The following MYO1H variants were observed in gnomAD, a reference collection of about 807,000 sequenced individuals.
The protein encoded by MYO1H is unconventional myosin-Ih.
Under a neutral mutation model 149.3 loss-of-function variants are expected in MYO1H, and 118 were observed. That is an observed-to-expected ratio of 0.79 (90% CI 0.68 to 0.92). The LOEUF is 0.92. Among genes scored for constraint, MYO1H ranks in the 40% least tolerant of loss-of-function variants. MYO1H has a pLI of 0.00. For missense variants in MYO1H, 1,212 were observed against 1,280.7 expected (o/e 0.95, Z 0.82); for synonymous variants, 447 against 465.2 (o/e 0.96, Z 0.50).
At chr12:109,361,677 A>AC (rs1271748382) in intron 1 of MYO1H, among the ~76,000 whole-genome samples, 2 of 152,130 alleles carry the variant, frequency 1.3e-5, no homozygotes, top group African/African-American at 4.8e-5. Context: ...GTGAGGTGGG[A>AC]CATGCCTGCA....
the MYO1H span, among the ~76,000 whole-genome samples, chr12:109,320,619 G>C: frequency 1.3e-5 from 1 of 75,806 alleles, no homozygotes; most frequent in Non-Finnish European, 2.4e-5. Flanking sequence ...GCATGAATCT[G>C]TCTCAAAAAA....
the MYO1H span, among the ~76,000 whole-genome samples, chr12:109,342,716 A>C: frequency 1.4e-5 from 2 of 147,094 alleles, no homozygotes; most frequent in African/African-American, 5.0e-5. Flanking sequence ...CTAATTTTTA[A>C]ATTTTTTGTA....
At chr12:109,422,142 C>T (rs901472131) in intron 16 of MYO1H, among the ~76,000 whole-genome samples, 4 of 152,112 alleles carry the variant, frequency 2.6e-5, no homozygotes, top group African/African-American at 9.7e-5. Flanking sequence ...TTTTAAGGCC[C>T]CTATTTTGTA....
intron 31 of MYO1H, chr12:109,446,951 C>A (rs1428604031): frequency 3.2e-6 from 2 of 621,704 alleles, no homozygotes; most frequent in Admixed American, 5.1e-5. Context: ...CGGAGTCCAT[C>A]TTCCTCCCTG....
upstream of MYO1H, among the ~76,000 whole-genome samples, chr12:109,344,824 A>G (rs1309295470): frequency 6.6e-6 from 1 of 152,208 alleles, no homozygotes; most frequent in Non-Finnish European, 1.5e-5. Context: ...GTAAACTACT[A>G]TGTTTATGGT....
the MYO1H span, among the ~76,000 whole-genome samples, chr12:109,337,204 A>G: frequency 9.9e-5 from 15 of 152,268 alleles, no homozygotes; most frequent in East Asian, 2.7e-3. Context: ...TGATTTCCAG[A>G]GAGGTTTTTT....
At chr12:109,333,220 T>A in the MYO1H span, among the ~76,000 whole-genome samples, 1 of 152,070 alleles carries the variant, frequency 6.6e-6, no homozygotes, top group Non-Finnish European at 1.5e-5. Flanking sequence ...CATGGGAGGT[T>A]GAGGCAGGAG....
intron 1 of MYO1H, among the ~76,000 whole-genome samples, chr12:109,378,466 G>C (rs973692304): frequency 6.6e-6 from 1 of 151,538 alleles, no homozygotes; most frequent in Admixed American, 6.6e-5. Flanking sequence ...TACCACAGGT[G>C]TGCACCACCA....
intron 12 of MYO1H, 82 bp from the exon 13 acceptor site, chr12:109,410,606 T>A: frequency 1.2e-6 from 1 of 810,896 alleles, no homozygotes; most frequent in Non-Finnish European, 2.0e-6. Context: ...TGAAAAAAGA[T>A]GTTTTAGAAA....
At chr12:109,359,838 CTAA>C (rs1358699860) in intron 1 of MYO1H, among the ~76,000 whole-genome samples, 1 of 152,174 alleles carries the variant, frequency 6.6e-6, no homozygotes, top group African/African-American at 2.4e-5. Context: ...CTTTGGCAAA[CTAA>C]TGTTTTTCAA....
At chr12:109,322,754 AG>A in the MYO1H span, among the ~76,000 whole-genome samples, 1 of 140,690 alleles carries the variant, frequency 7.1e-6, no homozygotes, top group Non-Finnish European at 1.5e-5. Context: ...TGGGAGGCGG[AG>A]GTTCTAGTGA....
chr12:109,424,980 T>G (rs546465456), intron 17 of MYO1H, among the ~76,000 whole-genome samples, 152 bp downstream of exon 17: 1 of 152,156 alleles, frequency 6.6e-6, no homozygotes, highest in East Asian at 1.9e-4. Context: ...ATCTCACACC[T>G]GTAATCCCAG....
At chr12:109,446,860 G>T (rs527571186) in intron 31 of MYO1H, among the ~76,000 whole-genome samples, 1 of 152,322 alleles carries the variant, frequency 6.6e-6, no homozygotes, top group South Asian at 2.1e-4. Flanking sequence ...TTTGGATGTA[G>T]ACTATAAGGT....
At chr12:109,440,159 CT>C (rs1436428361) in intron 24 of MYO1H, among the ~76,000 whole-genome samples, 2 of 152,062 alleles carry the variant, frequency 1.3e-5, no homozygotes, top group African/African-American at 4.8e-5. Context: ...GTCAGCCCCC[CT>C]GAATAACTGA....
upstream of MYO1H, among the ~76,000 whole-genome samples, chr12:109,346,184 T>C (rs2136989052): frequency 6.6e-6 from 1 of 152,338 alleles, no homozygotes; most frequent in African/African-American, 2.4e-5. Flanking sequence ...GACAATGTAG[T>C]ATAACAACTA....
chr12:109,409,876 A>C, intron 11 of MYO1H, 87 bp from the exon 12 acceptor site: 1 of 797,860 alleles, frequency 1.3e-6, no homozygotes, highest in Non-Finnish European at 1.9e-6. Flanking sequence ...TTCTTTATTA[A>C]AAAGTATGCC....
upstream of MYO1H, among the ~76,000 whole-genome samples, chr12:109,344,301 C>A (rs1025257606): frequency 6.6e-6 from 1 of 151,958 alleles, no homozygotes; most frequent in Admixed American, 6.6e-5. Flanking sequence ...AGCAAGGTTG[C>A]AGGATACAAG....
At chr12:109,446,194 C>T (rs1671262386) in intron 31 of MYO1H, 2 of 984,500 alleles carry the variant, frequency 2.0e-6, no homozygotes, top group Non-Finnish European at 2.4e-6. Context: ...ACCATGGCTA[C>T]GTTAGGGAGA....
chr12:109,409,592 C>A, exon 11 of MYO1H: 1 of 1,613,710 alleles, frequency 6.2e-7, no homozygotes, highest in Non-Finnish European at 8.5e-7. Flanking sequence ...GATTACTGGA[C>A]ATCTATGGGT....
Sources: gnomAD v4.1 joint callset for allele counts (sites outside exome capture counted in the v4.1 genomes callset) on GRCh38, gnomAD v4.1.1 for gene constraint, MANE v1.5 for transcripts, NCBI Gene and HGNC (gene_info 2026-07-23, HGNC 2026-07-21) for gene names.